Variants in AKT3 observed in about 807,000 individuals in gnomAD.
AKT3 encodes RAC-gamma serine/threonine-protein kinase.
In AKT3, 15 loss-of-function variants were observed where a neutral mutation model predicts 65.3. The observed-to-expected ratio is 0.23, with a 90% CI of 0.15 to 0.35. The LOEUF is 0.35. Among genes scored for constraint, AKT3 ranks in the 10% least tolerant of loss-of-function variants. AKT3 has a pLI of 1.00. For missense variants in AKT3, 243 were observed against 576.5 expected (o/e 0.42, Z 5.92); for synonymous variants, 206 against 183.8 (o/e 1.12, Z -0.98).
At chr1:243,517,483 G>C (rs1396528790) in intron 12 of AKT3, among the ~76,000 whole-genome samples, 2 of 151,910 alleles carry the variant, frequency 1.3e-5, no homozygotes, top group African/African-American at 4.8e-5. Flanking sequence ...ATTTTGTTTT[G>C]TTATTAGATG....
chr1:243,560,209 G>A (rs192087446), intron 10 of AKT3, among the ~76,000 whole-genome samples: 50 of 152,026 alleles, frequency 3.3e-4, no homozygotes, highest in African/African-American at 1.2e-3. Flanking sequence ...TTCTTGCACA[G>A]TAATAACTGT....
chr1:243,631,084 AGTTAT>A (rs1158407721), intron 6 of AKT3, among the ~76,000 whole-genome samples: 1 of 152,178 alleles, frequency 6.6e-6, no homozygotes, highest in Non-Finnish European at 1.5e-5. Context: ...AGTGCATATA[AGTTAT>A]GTTTACACTG....
chr1:243,529,766 T>C (rs1558591912), intron 12 of AKT3, among the ~76,000 whole-genome samples: 1 of 152,228 alleles, frequency 6.6e-6, no homozygotes, highest in African/African-American at 2.4e-5. Flanking sequence ...TTGCCTTGGC[T>C]ATTCGGGTTC....
intron 1 of AKT3, among the ~76,000 whole-genome samples, chr1:243,846,970 C>G (rs1695547066): frequency 6.6e-6 from 1 of 152,160 alleles, no homozygotes; most frequent in African/African-American, 2.4e-5. Flanking sequence ...GCTTACCAGG[C>G]ATTGGTTAGC....
chr1:243,627,614 ATAG>A (rs1679277365), intron 6 of AKT3, among the ~76,000 whole-genome samples: 1 of 152,324 alleles, frequency 6.6e-6, no homozygotes, highest in Admixed American at 6.5e-5. Context: ...TAACTTGAAA[ATAG>A]TGGTGGCTCA....
chr1:243,500,597 G>A lies in AKT3; in HGVS notation c.*4652C>T. 1 of 229,222 alleles carries A rather than the reference G, an allele frequency of 4.4e-6. No individual in the cohort carries two copies. Among genetic ancestry groups the A allele is most frequent in the Non-Finnish European group, 8.7e-6 (1 of 115,590 alleles). 14.2% of individuals were successfully genotyped at this position (229,222 alleles called of 1,614,324 possible). A position where few individuals can be genotyped will look rare whatever the true frequency, so the allele number is the denominator to read the frequency against. ...AAACGGACACTGGACATACCGTGTTGTATCTGAGAATGACAAACACTAAAG... is the reference window on the plus strand; with the variant it reads ...AAACGGACACTGGACATACCGTGTTATATCTGAGAATGACAAACACTAAAG... On this transcript the variant is annotated 3_prime_UTR_variant, in exon 14 of 14. Coordinates refer to ENST00000673466, the MANE Select transcript of AKT3 (RefSeq NM_005465.7).
intron 2 of AKT3, among the ~76,000 whole-genome samples, chr1:243,784,428 C>CA (rs199852273): frequency 4.5e-3 from 563 of 125,726 alleles, no homozygotes; most frequent in East Asian, 0.043. Flanking sequence ...CAGCCCTCTT[C>CA]AAAAAAAAAA....
At chr1:243,533,264 A>G (rs1671668251) in intron 12 of AKT3, among the ~76,000 whole-genome samples, 2 of 152,244 alleles carry the variant, frequency 1.3e-5, no homozygotes, top group South Asian at 4.1e-4. Flanking sequence ...GAACTAAAAA[A>G]ATGTCAAAAC....
chr1:243,529,148 CTT>C (rs1057499486), intron 12 of AKT3, among the ~76,000 whole-genome samples: 190 of 128,242 alleles, frequency 1.5e-3, no homozygotes, highest in African/African-American at 5.0e-3. Context: ...TGTAATGGAG[CTT>C]TTTTTTTTTT....
chr1:243,715,896 G>A (rs1371957705), intron 2 of AKT3, among the ~76,000 whole-genome samples: 1 of 152,016 alleles, frequency 6.6e-6, no homozygotes, highest in East Asian at 1.9e-4. Flanking sequence ...GGGTAAATGG[G>A]ATGTGAATAT....
intron 3 of AKT3, among the ~76,000 whole-genome samples, chr1:243,688,419 C>G (rs960776736): frequency 3.9e-5 from 6 of 152,068 alleles, no homozygotes; most frequent in African/African-American, 1.4e-4. Flanking sequence ...TTTTCCTTGT[C>G]AAAAATGGAG....
At chr1:243,593,739 A>C (rs1370739894) in intron 8 of AKT3, among the ~76,000 whole-genome samples, 1 of 152,210 alleles carries the variant, frequency 6.6e-6, no homozygotes, top group Non-Finnish European at 1.5e-5. Context: ...AAAAACCTTT[A>C]AAGAAAAGTC....
intron 10 of AKT3, among the ~76,000 whole-genome samples, chr1:243,557,690 C>T (rs1450442071): frequency 1.3e-5 from 2 of 151,970 alleles, no homozygotes; most frequent in Non-Finnish European, 2.9e-5. Flanking sequence ...AGTTCTTAAA[C>T]ATGAATTCTA....
intron 2 of AKT3, among the ~76,000 whole-genome samples, chr1:243,813,276 C>T (rs1342208263): frequency 3.3e-5 from 5 of 152,048 alleles, no homozygotes; most frequent in Non-Finnish European, 4.4e-5. Flanking sequence ...AAAAAAGGTT[C>T]AACCTGAATC....
rs995584887 is a variant in AKT3 at position 243,572,989 on chromosome 1, A to T, written c.756T>A (p.Gly252=). 5.0e-6 allele frequency: 8 copies of T among 1,613,138 alleles called. No homozygotes were observed. The highest frequency in any genetic ancestry group is 6.8e-6 in the Non-Finnish European group (8 of 1,179,542). The change falls in exon 9 of 14, where the codon GGT becomes GGA. Residue 252 remains glycine, a synonymous_variant. Coordinates refer to ENST00000673466, the MANE Select transcript of AKT3 (RefSeq NM_005465.7). Reference sequence around the variant, plus strand: ...AGTCCAAGGCAGAGACAATTTCTGCACCATAGAAACGTGTGCGGTCCTCAG... The same window carrying T: ...AGTCCAAGGCAGAGACAATTTCTGCTCCATAGAAACGTGTGCGGTCCTCAG... ...VFSEDRTRFY[G]AEIVSALDYL... is the part of the protein sequence containing the mutation.
intron 2 of AKT3, among the ~76,000 whole-genome samples, chr1:243,836,143 C>T (rs765705291): frequency 4.6e-5 from 7 of 151,708 alleles, no homozygotes; most frequent in South Asian, 2.1e-4. Context: ...ATGCTGTCAA[C>T]GAGAGAAACA....
chr1:243,645,603 T>C (rs966378834), intron 5 of AKT3, among the ~76,000 whole-genome samples: 4 of 152,308 alleles, frequency 2.6e-5, no homozygotes, highest in South Asian at 4.1e-4. Context: ...GTTTCTAAAA[T>C]TGTATTAAAA....
At chr1:243,623,802 A>G (rs1455621023) in intron 6 of AKT3, among the ~76,000 whole-genome samples, 1 of 152,148 alleles carries the variant, frequency 6.6e-6, no homozygotes, top group Non-Finnish European at 1.5e-5. Flanking sequence ...AACCTCCATA[A>G]TCACATGAGC....
intron 8 of AKT3, among the ~76,000 whole-genome samples, chr1:243,608,404 T>C (rs926810466): frequency 4.6e-5 from 7 of 152,180 alleles, no homozygotes; most frequent in Admixed American, 2.6e-4. Flanking sequence ...TAAAAATCAG[T>C]GAACAATAAG....
Sources: gnomAD v4.1 joint callset for allele counts (sites outside exome capture counted in the v4.1 genomes callset) on GRCh38, gnomAD v4.1.1 for gene constraint, MANE v1.5 for transcripts, NCBI Gene and HGNC (gene_info 2026-07-23, HGNC 2026-07-21) for gene names.